PAK6: variants seen among roughly 807,000 people sequenced by gnomAD.
PAK6 encodes serine/threonine-protein kinase PAK 6.
A neutral mutation model predicts 60.8 loss-of-function variants in PAK6; 33 were observed. The observed-to-expected ratio is 0.54, with a 90% CI of 0.41 to 0.73. The LOEUF is 0.73. Ranked by LOEUF, PAK6 falls within the 30% of genes least tolerant of loss-of-function variation. The pLI is 0.00. For missense variants in PAK6, 845 were observed against 904.1 expected, an observed-to-expected ratio of 0.93 and a Z score of 0.84; for synonymous variants, 404 against 378.5, an observed-to-expected ratio of 1.07 and a Z score of -0.78.
At chr15:40,256,751 G>C (rs192607277) in intron 3 of PAK6, 1 of 152,182 alleles carries the variant, frequency 6.6e-6, no homozygotes, top group Admixed American at 6.5e-5. Context: ...GCATAATGGA[G>C]ACAGTACTAG....
intron 5 of PAK6, chr15:40,266,792 G>A (rs1270573455): frequency 5.7e-6 from 2 of 353,642 alleles, no homozygotes; most frequent in Non-Finnish European, 1.0e-5. Flanking sequence ...GGGGCAGCAG[G>A]AGGCCGACTT....
At chr15:40,242,056 A>G (rs894005918) in intron 2 of PAK6, among the ~76,000 whole-genome samples, 16 of 152,114 alleles carry the variant, frequency 1.1e-4, no homozygotes, top group African/African-American at 3.9e-4. Flanking sequence ...GAGGCTGTCG[A>G]GCACTAGGTA....
chr15:40,258,815 G>A (rs923322830), intron 3 of PAK6: 2 of 134,692 alleles, frequency 1.5e-5, no homozygotes, highest in South Asian at 2.5e-4. Context: ...GGCATCCCCC[G>A]ATGCAGTCAT....
chr15:40,272,700 C>T, exon 6 of PAK6: 1 of 1,594,788 alleles, frequency 6.3e-7, no homozygotes. Context: ...AGCAGCAGCG[C>T]AGGGAGCTGC....
intron 5 of PAK6, 29 bp from the exon 6 acceptor site, chr15:40,272,195 T>G (rs1184275924): frequency 1.3e-6 from 2 of 1,589,454 alleles, no homozygotes; most frequent in Non-Finnish European, 1.7e-6. Flanking sequence ...CCCACAGCCC[T>G]GACCCTTCCT....
chr15:40,256,246 A>T (rs1484063079), intron 3 of PAK6, among the ~76,000 whole-genome samples: 7 of 152,178 alleles, frequency 4.6e-5, no homozygotes, highest in Admixed American at 4.6e-4. Context: ...TTTTTTTTTG[A>T]AACAAACTTC....
chr15:40,260,639 A>G (rs1766998808), intron 3 of PAK6, among the ~76,000 whole-genome samples: 1 of 152,168 alleles, frequency 6.6e-6, no homozygotes, highest in African/African-American at 2.4e-5. Context: ...ATATTTCTGT[A>G]TACATTTTAG....
At chr15:40,260,654 A>G (rs558108839) in intron 3 of PAK6, among the ~76,000 whole-genome samples, 2 of 152,348 alleles carry the variant, frequency 1.3e-5, no homozygotes, top group South Asian at 2.1e-4. Context: ...TTTTAGAATC[A>G]GTTCATCAAT....
At chr15:40,259,777 A>G (rs1455113416) in intron 3 of PAK6, 1 of 97,464 alleles carries the variant, frequency 1.0e-5, no homozygotes, top group African/African-American at 4.0e-5. Context: ...ACAGAGTGAA[A>G]CGCTGTCTCA....
exon 11 of PAK6, chr15:40,276,297 G>A: frequency 1.7e-6 from 1 of 578,052 alleles, no homozygotes; most frequent in Non-Finnish European, 3.1e-6. Flanking sequence ...CGAGTCCCCA[G>A]ATGGAGACCC....
At chr15:40,259,838 C>T (rs1017549143) in intron 3 of PAK6, 4 of 147,630 alleles carry the variant, frequency 2.7e-5, no homozygotes, top group African/African-American at 5.0e-5. Flanking sequence ...AGCAATCCGT[C>T]GTCTTTAAGG....
At chr15:40,249,103 A>G (rs1202688524) in intron 2 of PAK6, among the ~76,000 whole-genome samples, 1 of 152,178 alleles carries the variant, frequency 6.6e-6, no homozygotes, top group African/African-American at 2.4e-5. Flanking sequence ...CCAGGTTCAG[A>G]GCTGGCTGTC....
At chr15:40,260,524 C>T (rs1052478186) in intron 3 of PAK6, among the ~76,000 whole-genome samples, 6 of 152,132 alleles carry the variant, frequency 3.9e-5, no homozygotes, top group African/African-American at 1.2e-4. Context: ...TTTGCCAATT[C>T]CATACTAAAT....
intron 7 of PAK6, 91 bp downstream of exon 7, chr15:40,273,090 G>C: frequency 6.6e-7 from 1 of 1,507,832 alleles, no homozygotes. Flanking sequence ...TGGCCCAGAA[G>C]ACTTGGGATG....
chr15:40,275,395 C>T (rs1258851985), intron 10 of PAK6, among the ~76,000 whole-genome samples: 1 of 145,990 alleles, frequency 6.8e-6, no homozygotes, highest in Non-Finnish European at 1.5e-5. Flanking sequence ...AAGCAATTCT[C>T]CTGCCTCAGC....
In PAK6 at chr15:40,268,730, G is replaced by A. The variant is rs573649121; in HGVS notation, c.858+2235G>A. Among the ~76,000 whole-genome samples the A allele has an allele frequency of 2.1e-3, 319 of 152,354 alleles. 3 individuals are homozygous for A. The highest frequency in any genetic ancestry group is 4.2e-3 in the African/African-American group (176 of 41,590). ...GCTAAAGAGATCAGGAAGACAGGGC[G>A]TGGGGGCACAGAGACCAAAGAGGCA... On this transcript the variant is annotated intron_variant, in intron 5 of 10. Transcript: ENST00000560346.
In PAK6 at chr15:40,253,671, G is replaced by A. The variant is rs553977048; in HGVS notation, c.-6+382G>A. On this transcript the variant is annotated intron_variant, in intron 3 of 10. Coordinates refer to ENST00000560346, the Ensembl canonical transcript of PAK6. ...GGTGGCAGGCCCAGTGGCTGTGCAG[G>A]GCAGGGTGGGAGGCAGCCGTGGGAG... Among the ~76,000 whole-genome samples the A allele has an allele frequency of 3.2e-4, 49 of 152,358 alleles. 1 individual carries two copies. In the East Asian group the frequency reaches 6.6e-3, roughly 20 times the overall value.
chr15:40,244,069 C>A (rs775618576), intron 2 of PAK6, among the ~76,000 whole-genome samples: 3 of 152,158 alleles, frequency 2.0e-5, no homozygotes. Flanking sequence ...CAGTGGCTCA[C>A]GCCTGTAATC....
intron 5 of PAK6, among the ~76,000 whole-genome samples, chr15:40,267,173 A>G (rs2039165123): frequency 6.6e-6 from 1 of 151,850 alleles, no homozygotes; most frequent in African/African-American, 2.4e-5. Flanking sequence ...AGGCAGTCCT[A>G]AGAAACGGCT....
Sources: gnomAD v4.1 joint callset for allele counts (sites outside exome capture counted in the v4.1 genomes callset) on GRCh38, gnomAD v4.1.1 for gene constraint, MANE v1.5 for transcripts, NCBI Gene and HGNC (gene_info 2026-07-23, HGNC 2026-07-21) for gene names.